The following TRAF4 variants were observed in gnomAD, a reference collection of about 807,000 sequenced individuals.
TRAF4 encodes TNF receptor-associated factor 4.
In TRAF4, 9 loss-of-function variants were observed where a neutral mutation model predicts 47.3. The observed-to-expected ratio is 0.19, with a 90% CI of 0.11 to 0.33. The LOEUF (loss-of-function observed/expected upper bound fraction) is 0.33, where lower values mean the gene tolerates loss of function less well. Among genes scored for constraint, TRAF4 ranks in the 10% least tolerant of loss-of-function variants. TRAF4 has a pLI of 1.00. For missense variants in TRAF4, 448 were observed against 620.3 expected (o/e 0.72, Z 2.95); for synonymous variants, 236 against 236.9 (o/e 1.00, Z 0.04).
At chr17:28,746,988 CTG>C (rs1250222587) in intron 1 of TRAF4, 4 of 435,162 alleles carry the variant, frequency 9.2e-6, no homozygotes, top group African/African-American at 4.0e-5. Flanking sequence ...AGGCAGCTGT[CTG>C]TGCCTCCTCT....
In TRAF4 at chr17:28,749,394, C is replaced by G. The variant is rs140544266; in HGVS notation, c.1230C>G (p.Pro410=). ...KPQHVTETFH[P]DPNWKNFQKP... ...AGCACGTCACTGAGACCTTCCACCCCGACCCAAACTGGAAGAATTTCCAGA... is the reference window on the plus strand; with the variant it reads ...AGCACGTCACTGAGACCTTCCACCCGGACCCAAACTGGAAGAATTTCCAGA... The change falls in exon 7 of 7, where the codon CCC becomes CCG. Residue 410 remains proline, a synonymous_variant. Transcript: ENST00000262395. The G allele has an allele frequency of 6.2e-7, 1 of 1,613,874 alleles. No homozygotes were observed. Among genetic ancestry groups the G allele is most frequent in the Non-Finnish European group, 8.5e-7 (1 of 1,180,034 alleles).
chr17:28,747,432 C>T (rs1361465199), intron 2 of TRAF4, 168 bp downstream of exon 2: 2 of 764,600 alleles, frequency 2.6e-6, no homozygotes, highest in Non-Finnish European at 4.1e-6. Flanking sequence ...GCAAACGAGG[C>T]CCCTGTTTGC....
chr17:28,749,313 C>T lies in TRAF4; in HGVS notation c.1149C>T (p.Ala383=). 6.2e-7 allele frequency: 1 copy of T among 1,614,080 alleles called. No homozygotes were observed. The highest frequency in any genetic ancestry group is 8.5e-7 in the Non-Finnish European group (1 of 1,180,030). Residue 383 remains alanine (A), a synonymous_variant, in exon 7 of 7, where the codon GCC becomes GCT. Coordinates refer to ENST00000262395, the MANE Select transcript of TRAF4 (RefSeq NM_004295.4). ...ACAATCTCCTTGAGTGGCCCTTTGC[C>T]CGCCGTGTCACCTTCTCCCTGCTGG... ...AFDNLLEWPF[A]RRVTFSLLDQ...
Position 28,747,257 on chromosome 17 carries a change from A to C in TRAF4, c.188A>C (p.Tyr63Ser). 2 of 1,613,706 alleles carry C rather than the reference A, an allele frequency of 1.2e-6. No individual in the cohort carries two copies. The highest frequency in any genetic ancestry group is 1.7e-6 in the Non-Finnish European group (2 of 1,179,788). Reference protein sequence around the residue: ...KCPEDQLPLDYAKIYPDPELE... With the variant: ...KCPEDQLPLDSAKIYPDPELE... ...CCTGAGGACCAGCTTCCTCTGGACT[A>C]TGCCAAGGTGAGTCCACACTGCCAG... is the stretch of plus-strand genomic sequence containing the variant. The change falls in exon 2 of 7, where the codon TAT (tyrosine) becomes TCT (serine). Residue 63 changes from tyrosine (Y) to serine (S), a missense_variant. Coordinates refer to ENST00000262395, the MANE Select transcript of TRAF4 (RefSeq NM_004295.4).
chr17:28,748,306 T>G lies in TRAF4; in HGVS notation c.507T>G (p.Asn169Lys). ...CCCAGGAGAGTGTCTACTGTGAGAA[T>G]AAGTGTGGTGCCCGCATGATGCGGC... ...MCPQESVYCE[N>K]KCGARMMRRL... The change falls in exon 5 of 7, where the codon AAT becomes AAG. Residue 169 changes from asparagine to lysine, a missense_variant. By Grantham distance (94) the Asn-to-Lys change is moderately conservative. Transcript: ENST00000262395. 1 of 1,613,860 alleles carries G rather than the reference T, an allele frequency of 6.2e-7. No individual in the cohort carries two copies. The highest frequency in any genetic ancestry group is 8.5e-7 in the Non-Finnish European group (1 of 1,179,954).
chr17:28,747,165 C>T, intron 1 of TRAF4, 48 bp from the exon 2 acceptor site: 1 of 1,597,382 alleles, frequency 6.3e-7, no homozygotes, highest in African/African-American at 1.3e-5. Context: ...GGCCAGGCCT[C>T]CCTTTCCCCT....
intron 1 of TRAF4, chr17:28,746,702 T>C (rs1416483638): frequency 6.5e-6 from 1 of 152,826 alleles, no homozygotes; most frequent in Non-Finnish European, 1.5e-5. Context: ...CCTCCCCTTT[T>C]CTGTGGGAGA....
Position 28,749,169 on chromosome 17 carries a change from A to C in TRAF4, c.1005A>C (p.Pro335=). 1 of 1,614,100 alleles carries C rather than the reference A, an allele frequency of 6.2e-7. No homozygotes were observed. The highest frequency in any genetic ancestry group is 1.1e-5 in the South Asian group (1 of 91,088). ...AGCCCAACCTTGAGTGCTTCAGCCCAGCCTTCTACACACATAAGTATGGTT... is the reference window on the plus strand; with the variant it reads ...AGCCCAACCTTGAGTGCTTCAGCCCCGCCTTCTACACACATAAGTATGGTT... ...KAKPNLECFS[P]AFYTHKYGYK... The change falls in exon 7 of 7, where the codon CCA becomes CCC. Residue 335 remains proline (P), a synonymous_variant. Transcript: ENST00000262395.
In TRAF4 at chr17:28,749,679, G is replaced by C; in HGVS notation, c.*102G>C. The C allele has an allele frequency of 6.4e-7, 1 of 1,561,282 alleles. No individual in the cohort carries two copies. Among genetic ancestry groups the C allele is most frequent in the Non-Finnish European group, 8.7e-7 (1 of 1,153,418 alleles). On this transcript the variant is annotated 3_prime_UTR_variant, in exon 7 of 7. Transcript: ENST00000262395. The stretch of plus-strand genomic sequence containing the variant: ...CGGACCCCCGTCAGCTGCTTCTGCT[G>C]CCTAGGTTCTGTTACCCCATCCTCC...
In TRAF4 at chr17:28,747,835, A is replaced by ACC. The variant is rs35110265; in HGVS notation, c.196-4_196-3dup. 5.7e-4 allele frequency: 918 copies of ACC among 1,609,354 alleles called. 3 individuals carry two copies. In the African/African-American group the frequency reaches 0.011, roughly 20 times the overall value. On this transcript the variant is annotated splice_region_variant and splice_polypyrimidine_tract_variant and intron_variant, in intron 2 of 6. Transcript: ENST00000262395. ...GACCCTGGCCAGTTCCCCCATCCCTACCCCCAGATCTACCCAGACCCGGAG... is the reference window on the plus strand; with the variant it reads ...GACCCTGGCCAGTTCCCCCATCCCTACCCCCCCAGATCTACCCAGACCCGGAG...
At position 28,750,646 on chromosome 17, in the gene TRAF4, C is replaced by CCTGT. The variant is rs1209446422; in HGVS notation, c.*1072_*1075dup. On this transcript the variant is annotated 3_prime_UTR_variant, in exon 7 of 7. Transcript: ENST00000262395. ...GATGTTCAAGGCACTTGGATTTTCT[C>CCTGT]CTGTCTCTCATCGGCTTTTCTTAAC... 1 of 149,990 alleles carries CCTGT rather than the reference C, an allele frequency of 6.7e-6. No homozygotes were observed. The highest frequency in any genetic ancestry group is 2.0e-4 in the East Asian group (1 of 5,114). 9.3% of individuals were successfully genotyped at this position (149,990 alleles called of 1,614,324 possible).
intron 2 of TRAF4, chr17:28,747,585 G>A: frequency 1.7e-6 from 1 of 585,818 alleles, no homozygotes; most frequent in Non-Finnish European, 3.0e-6. Flanking sequence ...AGGAAGCAGA[G>A]CCCCAGGGAC....
intron 1 of TRAF4, among the ~76,000 whole-genome samples, chr17:28,746,486 A>G (rs1329602720): frequency 6.6e-6 from 1 of 152,064 alleles, no homozygotes; most frequent in Non-Finnish European, 1.5e-5. Flanking sequence ...CTTGCTGGAC[A>G]TTTTTCCTTG....
rs1215303271 is a variant in TRAF4 at position 28,744,226 on chromosome 17, C to T, written c.114C>T (p.Phe38=). Reference sequence around the variant, plus strand: ...AGGTTTCCACCTGCGGCCACCGTTTCTGCGATACCTGCCTGCAGGAGTTCC... The same window carrying T: ...AGGTTTCCACCTGCGGCCACCGTTTTTGCGATACCTGCCTGCAGGAGTTCC... ...PVQVSTCGHR[F]CDTCLQEFLS... The change falls in exon 1 of 7, where the codon TTC becomes TTT. Residue 38 remains phenylalanine (F), a synonymous_variant. Transcript: ENST00000262395. 1 of 1,552,202 alleles carries T rather than the reference C, an allele frequency of 6.4e-7. No individual in the cohort carries two copies. Among genetic ancestry groups the T allele is most frequent in the Non-Finnish European group, 8.7e-7 (1 of 1,150,806 alleles).
rs1567766796 is a variant in TRAF4 at position 28,747,877 on chromosome 17, T to C, written c.230T>C (p.Leu77Ser). Reference sequence around the variant, plus strand: ...GACCCGGAGCTGGAAGTACAAGTATTGGGCCTGCCTATCCGCTGCATCCAC... The same window carrying C: ...GACCCGGAGCTGGAAGTACAAGTATCGGGCCTGCCTATCCGCTGCATCCAC... Reference protein sequence around the residue: ...YPDPELEVQVLGLPIRCIHSE... With the variant: ...YPDPELEVQVSGLPIRCIHSE... The change falls in exon 3 of 7, where the codon TTG (leucine) becomes TCG (serine). Residue 77 changes from leucine to serine, a missense_variant. Physicochemically the swap from Leu to Ser is moderately radical, Grantham distance 145 (BLOSUM62 -2). Transcript: ENST00000262395. The C allele has an allele frequency of 1.2e-6, 2 of 1,613,882 alleles. No individual in the cohort carries two copies. Among genetic ancestry groups the C allele is most frequent in the Admixed American group, 1.7e-5 (1 of 60,004 alleles).
rs755101939 is a variant in TRAF4, at chr17:28,747,282, G to A, written c.195+18G>A. 4 of 1,612,266 alleles carry A rather than the reference G, an allele frequency of 2.5e-6. No homozygotes were observed. The South Asian group carries it at 4.4e-5, about 18-fold the overall frequency. On this transcript the variant is annotated intron_variant, in intron 2 of 6. Transcript: ENST00000262395. ...ATGCCAAGGTGAGTCCACACTGCCA[G>A]GAAGAAGCCCAAGCACAGTCTGTTG... is the stretch of plus-strand genomic sequence containing the variant.
rs551266508 is a variant in TRAF4 at position 28,750,063 on chromosome 17, C to T, written c.*486C>T. The T allele has an allele frequency of 6.5e-5, 38 of 585,164 alleles. No homozygotes were observed. The highest frequency in any genetic ancestry group is 4.5e-4 in the Middle Eastern group (1 of 2,208). The allele number at this position is 585,164 out of a possible 1,614,324, so 36.2% of individuals were successfully genotyped here. ...GGGGAGCCCTGATTTTTAATAAATC[C>T]GGAATTGTATTTATTAATTTGCTTC... On this transcript the variant is annotated 3_prime_UTR_variant, in exon 7 of 7. Coordinates refer to ENST00000262395, the MANE Select transcript of TRAF4 (RefSeq NM_004295.4).
In TRAF4 at chr17:28,747,230, G is replaced by A; in HGVS notation, c.161G>A (p.Cys54Tyr). 1 of 1,613,782 alleles carries A rather than the reference G, an allele frequency of 6.2e-7. No homozygotes were observed. Among genetic ancestry groups the A allele is most frequent in the African/African-American group, 1.3e-5 (1 of 75,036 alleles). Residue 54 changes from cysteine (C) to tyrosine (Y), a missense_variant, in exon 2 of 7, where the codon TGC becomes TAC. By Grantham distance (194) the Cys-to-Tyr change is radical. Transcript: ENST00000262395. ...QEFLSEGVFK[C>Y]PEDQLPLDYA... ...CATTTCAGTGAAGGAGTCTTCAAGT[G>A]CCCTGAGGACCAGCTTCCTCTGGAC...
At chr17:28,746,289 C>T (rs1224855247) in intron 1 of TRAF4, among the ~76,000 whole-genome samples, 1 of 152,180 alleles carries the variant, frequency 6.6e-6, no homozygotes, top group African/African-American at 2.4e-5. Flanking sequence ...TGAGCCATGC[C>T]AGGCATGTGT....
Sources: allele counts gnomAD v4.1 joint callset (sites outside exome capture counted in the v4.1 genomes callset), GRCh38; gene constraint gnomAD v4.1.1; transcripts MANE v1.5; gene names NCBI Gene and HGNC (gene_info 2026-07-23, HGNC 2026-07-21).